Variants in LIG3 observed in about 807,000 individuals in gnomAD.
The protein encoded by LIG3 is ligase II, DNA, ATP-dependent.
Under a neutral mutation model 110.9 loss-of-function variants are expected in LIG3, and 58 were observed. That is an observed-to-expected ratio of 0.52 (90% CI 0.42 to 0.65). The LOEUF is 0.65. Ranked by LOEUF, LIG3 falls within the 30% of genes least tolerant of loss-of-function variation. LIG3 has a pLI of 0.00. For synonymous variants in LIG3, 422 were observed against 472.8 expected (o/e 0.89, Z 1.39); for missense variants, 1,094 against 1,273.8 (o/e 0.86, Z 2.15).
Position 34,983,456 on chromosome 17 carries a change from C to G in LIG3, c.451C>G (p.Arg151Gly), listed in dbSNP as rs368166360. Reference sequence around the variant, plus strand: ...CATGTTTGAGAAACTAGAGCGGGCCCGGGCCACCACAAAAAAAATCGAGGA... The same window carrying G: ...CATGTTTGAGAAACTAGAGCGGGCCGGGGCCACCACAAAAAAAATCGAGGA... The part of the protein sequence containing the change: ...KCMFEKLERA[R>G]ATTKKIEDLT... Residue 151 changes from arginine (R) to glycine (G), a missense_variant, in exon 2 of 20, where the codon CGG becomes GGG. Transcript: ENST00000378526. 1.2e-6 allele frequency: 2 copies of G among 1,613,866 alleles called. No individual in the cohort carries two copies. Among genetic ancestry groups the G allele is most frequent in the Non-Finnish European group, 8.5e-7 (1 of 1,180,018 alleles).
chr17:34,991,550 A>T, intron 5 of LIG3, 121 bp from the exon 6 acceptor site: 1 of 931,382 alleles, frequency 1.1e-6, no homozygotes, highest in Non-Finnish European at 1.6e-6. Context: ...TGGGCTAGAT[A>T]TGTTGAGTTG....
intron 14 of LIG3, 27 bp from the exon 15 acceptor site, chr17:34,999,280 C>T (rs530190562): frequency 6.2e-7 from 1 of 1,601,052 alleles, no homozygotes; most frequent in South Asian, 1.1e-5. Flanking sequence ...TCCTCCAACC[C>T]ACACTCATCT....
chr17:34,996,226 G>C, intron 10 of LIG3, 31 bp downstream of exon 10: 1 of 1,610,272 alleles, frequency 6.2e-7, no homozygotes, highest in South Asian at 1.1e-5. Context: ...GTGCAAGAAT[G>C]AATGAGTGTG....
Position 35,005,690 on chromosome 17 carries a change from C to T in LIG3, c.*1184C>T, listed in dbSNP as rs755355318. 19 of 561,018 alleles carry T rather than the reference C, an allele frequency of 3.4e-5. No individual in the cohort carries two copies. Among genetic ancestry groups the T allele is most frequent in the Non-Finnish European group, 6.9e-5 (19 of 277,186 alleles). 34.8% of individuals were successfully genotyped at this position (561,018 alleles called of 1,614,324 possible). A position where few individuals can be genotyped will look rare whatever the true frequency, so the allele number is the denominator to read the frequency against. On this transcript the variant is annotated 3_prime_UTR_variant, in exon 20 of 20. Transcript: ENST00000378526. ...TCGTCTGTGTCCTACTGAGTTTTTT[C>T]ATGGCTGGAGTATTCATGTGAATGA...
intron 10 of LIG3, 55 bp downstream of exon 10, chr17:34,996,250 A>C (rs1356447376): frequency 6.3e-7 from 1 of 1,582,766 alleles, no homozygotes; most frequent in Non-Finnish European, 8.6e-7. Flanking sequence ...GAGTATGTAC[A>C]TGTGGGTGCA....
chr17:35,003,703 T>A (rs1567695754), intron 19 of LIG3: 1 of 157,028 alleles, frequency 6.4e-6, no homozygotes, highest in Non-Finnish European at 1.4e-5. Flanking sequence ...GATAGAGAAG[T>A]AAACATATGA....
intron 3 of LIG3, 28 bp downstream of exon 3, chr17:34,986,159 G>A (rs752963351): frequency 1.2e-6 from 2 of 1,607,694 alleles, no homozygotes; most frequent in East Asian, 4.5e-5. Flanking sequence ...TACTTTAGCT[G>A]TTATAGTGCT....
In LIG3 at chr17:34,997,790, A is replaced by C; in HGVS notation, c.1876A>C (p.Asn626His). ...TCATGACAACATGGTTGAAATTCCA[A>C]ACCGGATCATGTTCTCAGAAATGAA... ...FLHDNMVEIPNRIMFSEMKRV... is the reference protein window; with the variant it reads ...FLHDNMVEIPHRIMFSEMKRV... Residue 626 changes from asparagine (N) to histidine (H), a missense_variant, in exon 12 of 20, where the codon AAC becomes CAC. Coordinates refer to ENST00000378526, the MANE Select transcript of LIG3 (RefSeq NM_013975.4). The C allele has an allele frequency of 1.2e-6, 2 of 1,614,196 alleles. No homozygotes were observed. Among genetic ancestry groups the C allele is most frequent in the South Asian group, 2.2e-5 (2 of 91,086 alleles).
chr17:34,992,340 C>T (rs1354612551), intron 7 of LIG3, among the ~76,000 whole-genome samples, 184 bp from the exon 8 acceptor site: 2 of 152,268 alleles, frequency 1.3e-5, no homozygotes, highest in Non-Finnish European at 2.9e-5. Flanking sequence ...CACATAGGCA[C>T]AGTATCTCAA....
intron 10 of LIG3, 60 bp from the exon 11 acceptor site, chr17:34,996,514 C>T (rs2090779519): frequency 2.9e-6 from 4 of 1,374,960 alleles, no homozygotes; most frequent in South Asian, 1.2e-5. Context: ...ACTGGTACTC[C>T]TTATTTTTTC....
chr17:34,981,128 C>A, intron 1 of LIG3: 1 of 152,388 alleles, frequency 6.6e-6, no homozygotes, highest in East Asian at 1.9e-4. Flanking sequence ...CGATTTCCTT[C>A]TCGGGCCCCT....
At position 34,999,810 on chromosome 17, in the gene LIG3, A is replaced by T. The variant is rs1231990012; in HGVS notation, c.2285A>T (p.Lys762Met). 4.3e-6 allele frequency: 7 copies of T among 1,614,136 alleles called. No individual in the cohort carries two copies. The highest frequency in any genetic ancestry group is 5.9e-6 in the Non-Finnish European group (7 of 1,179,998). Residue 762 changes from lysine (K) to methionine (M), a missense_variant, in exon 16 of 20, where the codon AAG becomes ATG. Lys to Met is a moderately conservative substitution (Grantham distance 95). Transcript: ENST00000378526. ...CCCAGCAAAATACCCAGCTGGTTGA[A>T]GGTCAACAAGATCTACTATCCTGAC... ...KDPSKIPSWL[K>M]VNKIYYPDFI...
chr17:34,992,838 T>TCC, intron 8 of LIG3, 146 bp downstream of exon 8: 1 of 800,228 alleles, frequency 1.2e-6, no homozygotes, highest in Non-Finnish European at 1.8e-6. Flanking sequence ...CAAGGGGGTA[T>TCC]TTCTCTGTAG....
Position 34,991,046 on chromosome 17 carries a change from C to G in LIG3, c.973C>G (p.Gln325Glu), listed in dbSNP as rs772235166. ...IKTVYNLNDK[Q>E]IVKLFSRIFN... is the part of the protein sequence containing the mutation. ...GACTGTTTACAACTTGAACGATAAG[C>G]AGATTGTGAAGCTTTTCAGTCGCAT... The change falls in exon 5 of 20, where the codon CAG becomes GAG. Residue 325 changes from glutamine (Q) to glutamate (E), a missense_variant. Coordinates refer to ENST00000378526, the MANE Select transcript of LIG3 (RefSeq NM_013975.4). The G allele has an allele frequency of 6.2e-7, 1 of 1,614,092 alleles. No homozygotes were observed. Among genetic ancestry groups the G allele is most frequent in the African/African-American group, 1.3e-5 (1 of 75,020 alleles).
intron 14 of LIG3, chr17:34,998,967 T>G: frequency 1.9e-6 from 1 of 520,206 alleles, no homozygotes. Flanking sequence ...CACCAATTAT[T>G]TCGTCAGGGC....
At chr17:34,995,958 C>T in intron 9 of LIG3, 106 bp from the exon 10 acceptor site, 3 of 1,397,590 alleles carry the variant, frequency 2.1e-6, no homozygotes, top group Middle Eastern at 2.6e-4. Context: ...GGGCCTTCCA[C>T]ATGTTGTTCT....
chr17:34,986,084 C>T lies in LIG3; in HGVS notation c.644C>T (p.Ala215Val), dbSNP rs2090651973. 6.2e-7 allele frequency: 1 copy of T among 1,614,032 alleles called. No homozygotes were observed. Among genetic ancestry groups the T allele is most frequent in the African/African-American group, 1.3e-5 (1 of 74,922 alleles). ...CAGGTGACTTCTCCAGTGAAAGGCG[C>T]CTCATTTGTCACCAGTACCAATCCC... ...TGQVTSPVKG[A>V]SFVTSTNPRK... Residue 215 changes from alanine to valine, a missense_variant, in exon 3 of 20, where the codon GCC becomes GTC. Transcript: ENST00000378526.
At chr17:34,997,608 A>C (rs2090792266) in intron 11 of LIG3, 130 bp from the exon 12 acceptor site, 1 of 687,466 alleles carries the variant, frequency 1.5e-6, no homozygotes, top group African/African-American at 1.8e-5. Context: ...ACTGTTACAC[A>C]TGAGGTCTTT....
At chr17:34,992,841 C>T (rs1346808393) in intron 8 of LIG3, 149 bp downstream of exon 8, 1 of 775,948 alleles carries the variant, frequency 1.3e-6, no homozygotes, top group Non-Finnish European at 1.9e-6. Flanking sequence ...GGGGGTATTT[C>T]TCTGTAGGAG....
Sources: gnomAD v4.1 joint callset for allele counts (sites outside exome capture counted in the v4.1 genomes callset) on GRCh38, gnomAD v4.1.1 for gene constraint, MANE v1.5 for transcripts, NCBI Gene and HGNC (gene_info 2026-07-23, HGNC 2026-07-21) for gene names.